Variants in E2F3 observed in about 807,000 individuals in gnomAD.
The protein encoded by E2F3 is transcription factor E2F3.
E2F3 carries 11 observed loss-of-function variants against 44.4 expected under a neutral mutation model. The observed-to-expected ratio is 0.25, with a 90% CI of 0.16 to 0.41. The LOEUF (loss-of-function observed/expected upper bound fraction) is 0.41. E2F3 is among the 10% of genes least tolerant of loss of function. The pLI is 1.00. For synonymous variants in E2F3, 249 were observed against 253.0 expected (o/e 0.98, Z 0.15); for missense variants, 487 against 583.6 (o/e 0.83, Z 1.70).
intron 1 of E2F3, among the ~76,000 whole-genome samples, chr6:20,445,616 G>C (rs1760919156): frequency 6.6e-6 from 1 of 152,110 alleles, no homozygotes; most frequent in Non-Finnish European, 1.5e-5. Context: ...TAGAACTGAG[G>C]AATTCGTTTT....
intron 1 of E2F3, among the ~76,000 whole-genome samples, chr6:20,433,554 G>A (rs537850876): frequency 5.1e-4 from 77 of 152,238 alleles, no homozygotes; most frequent in African/African-American, 1.7e-3. Flanking sequence ...ACTTGTTGCA[G>A]CTGTCTTGAA....
At chr6:20,448,211 C>G (rs1367710584) in intron 1 of E2F3, among the ~76,000 whole-genome samples, 2 of 152,148 alleles carry the variant, frequency 1.3e-5, no homozygotes, top group Admixed American at 1.3e-4. Context: ...TATGAGCGCT[C>G]TCAATGCAAA....
intron 1 of E2F3, among the ~76,000 whole-genome samples, chr6:20,464,873 G>A (rs777821351): frequency 4.2e-4 from 64 of 152,108 alleles, no homozygotes; most frequent in African/African-American, 1.4e-3. Flanking sequence ...AACAGGTTTC[G>A]GTCGTACAAT....
chr6:20,409,037 A>G (rs1395664978), intron 1 of E2F3, among the ~76,000 whole-genome samples: 3 of 152,326 alleles, frequency 2.0e-5, no homozygotes, highest in South Asian at 4.1e-4. Context: ...TTACTTGCCC[A>G]AGGTCACAGG....
intron 1 of E2F3, among the ~76,000 whole-genome samples, chr6:20,466,678 GT>G (rs1448014670): frequency 7.5e-6 from 1 of 133,508 alleles, no homozygotes; most frequent in Non-Finnish European, 1.6e-5. Context: ...ATCCCTATCG[GT>G]GTGTTCTTTT....
chr6:20,459,762 G>A (rs1195935883), intron 1 of E2F3, among the ~76,000 whole-genome samples: 2 of 152,138 alleles, frequency 1.3e-5, no homozygotes, highest in Non-Finnish European at 2.9e-5. Context: ...GGGCAATGTG[G>A]TGAAACCCTG....
intron 1 of E2F3, among the ~76,000 whole-genome samples, chr6:20,452,642 T>G (rs574923268): frequency 6.6e-6 from 1 of 152,204 alleles, no homozygotes; most frequent in African/African-American, 2.4e-5. Context: ...TGGACATCTT[T>G]TCAAGATGTT....
rs1342542123 is a variant in E2F3, at chr6:20,401,931, C to T, written c.-302C>T. On this transcript the variant is annotated 5_prime_UTR_variant, in exon 1 of 7. Transcript: ENST00000346618. ...GCCATTTTTCAGCTGCCGGCCGCAG[C>T]ACCCGGGCTGCCGCCGCCGCCTCGC... The T allele has an allele frequency of 2.0e-5, 8 of 405,676 alleles. No homozygotes were observed. Among genetic ancestry groups the T allele is most frequent in the South Asian group, 5.5e-5 (1 of 18,322 alleles). The allele number at this position is 405,676 out of a possible 1,614,324, so 25.1% of individuals were successfully genotyped here.
At chr6:20,473,699 T>C (rs895453240) in intron 1 of E2F3, among the ~76,000 whole-genome samples, 1 of 152,216 alleles carries the variant, frequency 6.6e-6, no homozygotes, top group African/African-American at 2.4e-5. Flanking sequence ...CCAGCTCTTC[T>C]GTGTTGGCTC....
At chr6:20,403,062 TGTTG>T (rs1759363539) in intron 1 of E2F3, among the ~76,000 whole-genome samples, 1 of 151,712 alleles carries the variant, frequency 6.6e-6, no homozygotes, top group Non-Finnish European at 1.5e-5. Context: ...ACCGGGGGAC[TGTTG>T]GGGTGCTAGC....
At chr6:20,411,341 G>A (rs563810235) in intron 1 of E2F3, among the ~76,000 whole-genome samples, 3 of 152,216 alleles carry the variant, frequency 2.0e-5, no homozygotes, top group Admixed American at 1.3e-4. Context: ...GGCAGGGCGG[G>A]GGGTTGTCTT....
intron 1 of E2F3, among the ~76,000 whole-genome samples, chr6:20,421,046 T>C (rs1261998531): frequency 6.6e-6 from 1 of 152,222 alleles, no homozygotes; most frequent in Non-Finnish European, 1.5e-5. Context: ...ATCGCTTTAT[T>C]TGCTTATCCG....
chr6:20,438,517 A>G (rs1363903752), intron 1 of E2F3, among the ~76,000 whole-genome samples: 5 of 152,168 alleles, frequency 3.3e-5, no homozygotes, highest in African/African-American at 9.7e-5. Flanking sequence ...TGCATTTGGT[A>G]TATGAAAGCT....
At chr6:20,466,713 G>A (rs1001491334) in intron 1 of E2F3, among the ~76,000 whole-genome samples, 1 of 148,262 alleles carries the variant, frequency 6.7e-6, no homozygotes, top group Non-Finnish European at 1.5e-5. Context: ...GACGGAGTCT[G>A]GCTCTGTCGC....
intron 1 of E2F3, among the ~76,000 whole-genome samples, chr6:20,435,893 G>T (rs1346667552): frequency 6.6e-6 from 1 of 151,548 alleles, no homozygotes; most frequent in Admixed American, 6.6e-5. Flanking sequence ...CCCTTATCTT[G>T]CTTTCTTTTC....
In E2F3 at chr6:20,449,265, T is replaced by C. The variant is rs1384472226; in HGVS notation, c.394-30581T>C. Among the ~76,000 whole-genome samples, 3 of 152,228 alleles carry C rather than the reference T, an allele frequency of 2.0e-5. No individual in the cohort carries two copies. In the East Asian group the frequency reaches 5.8e-4, roughly 29 times the overall value. On this transcript the variant is annotated intron_variant, in intron 1 of 6. Coordinates refer to ENST00000346618, the MANE Select transcript of E2F3 (RefSeq NM_001949.5). ...AATCTTGCTGTGCAGCCTCTTCCCA[T>C]CTACTCTGCCTGCCTACTACGCCTT...
Position 20,488,117 on chromosome 6 carries a change from T to G in E2F3, c.1004T>G (p.Leu335Arg). The stretch of plus-strand genomic sequence containing the variant: ...TTCTCCCACTTCTGTTCATAGAGCC[T>G]ACAAATACATTTGGCAAGTACCCAA... ...RLEVPDSIESLQIHLASTQGP... is the reference protein window; with the variant it reads ...RLEVPDSIESRQIHLASTQGP... Residue 335 changes from leucine to arginine, a missense_variant, in exon 6 of 7, where the codon CTA (leucine) becomes CGA (arginine). Physicochemically the swap from Leu to Arg is moderately radical, Grantham distance 102. Coordinates refer to ENST00000346618, the MANE Select transcript of E2F3 (RefSeq NM_001949.5). The G allele has an allele frequency of 6.2e-7, 1 of 1,613,960 alleles. No individual in the cohort carries two copies. The highest frequency in any genetic ancestry group is 8.5e-7 in the Non-Finnish European group (1 of 1,179,996).
intron 1 of E2F3, among the ~76,000 whole-genome samples, chr6:20,422,562 A>C (rs973164440): frequency 6.6e-6 from 1 of 152,210 alleles, no homozygotes; most frequent in African/African-American, 2.4e-5. Flanking sequence ...TTTCCTCACC[A>C]AGCTTAATAA....
intron 1 of E2F3, among the ~76,000 whole-genome samples, chr6:20,479,333 G>A (rs1471992051): frequency 6.6e-6 from 1 of 152,192 alleles, no homozygotes; most frequent in African/African-American, 2.4e-5. Flanking sequence ...ATGGGAAACA[G>A]TCCCTGCCTT....
Sources: gnomAD v4.1 joint callset for allele counts (sites outside exome capture counted in the v4.1 genomes callset) on GRCh38, gnomAD v4.1.1 for gene constraint, MANE v1.5 for transcripts, NCBI Gene and HGNC (gene_info 2026-07-23, HGNC 2026-07-21) for gene names.